The following F7 variants were observed in gnomAD, a reference collection of about 807,000 sequenced individuals.
The protein encoded by F7 is FVII coagulation protein.
In F7, 38 loss-of-function variants were observed where a neutral mutation model predicts 47.5. That is an observed-to-expected ratio of 0.80 (90% CI 0.62 to 1.05). The LOEUF (loss-of-function observed/expected upper bound fraction) is 1.05, where lower values mean the gene tolerates loss of function less well. Ranked by LOEUF, F7 falls within the 50% of genes least tolerant of loss-of-function variation. F7 has a pLI of 0.00. For missense variants in F7, 575 were observed against 605.4 expected (o/e 0.95, Z 0.53); for synonymous variants, 244 against 258.5 (o/e 0.94, Z 0.54).
chr13:113,119,004 C>T lies in F7; in HGVS notation c.1331C>T (p.Pro444Leu). 6.3e-7 allele frequency: 1 copy of T among 1,599,064 alleles called. No homozygotes were observed. Among genetic ancestry groups the T allele is most frequent in the Non-Finnish European group, 8.5e-7 (1 of 1,179,850 alleles). ...RPGVLLRAPF[P>L] ...GGAGTCCTCCTGCGAGCCCCATTTCCCTAGCCCAGCAGCCCTGGCCTGTGG... is the reference window on the plus strand; with the variant it reads ...GGAGTCCTCCTGCGAGCCCCATTTCTCTAGCCCAGCAGCCCTGGCCTGTGG... Residue 444 changes from proline to leucine, a missense_variant, in exon 8 of 8, where the codon CCC (proline) becomes CTC (leucine). By Grantham distance (98) the Pro-to-Leu change is moderately conservative. Coordinates refer to ENST00000346342, the MANE Select transcript of F7 (RefSeq NM_019616.4).
intron 4 of F7, among the ~76,000 whole-genome samples, 170 bp downstream of exon 4, chr13:113,114,130 T>G (rs2036152540): frequency 6.6e-6 from 1 of 152,128 alleles, no homozygotes; most frequent in Non-Finnish European, 1.5e-5. Flanking sequence ...TCCCTTCCAG[T>G]CTGAGGTCTT....
In F7 at chr13:113,113,305, C is replaced by G. The variant is rs1412083705; in HGVS notation, c.226-447C>G. ...CATCTGTTGTATTCTCACAGCACCC[C>G]GTGAGTTTAAGTTCAGGTGGCCAAC... On this transcript the variant is annotated intron_variant, in intron 2 of 7. Coordinates refer to ENST00000346342, the MANE Select transcript of F7 (RefSeq NM_019616.4). This position sits in a 1 kb window ranked among gnomAD's most constrained non-coding sequence, Gnocchi z 4.1. Among the ~76,000 whole-genome samples the G allele has an allele frequency of 6.6e-6, 1 of 152,240 alleles. No individual in the cohort carries two copies. The highest frequency in any genetic ancestry group is 1.5e-5 in the Non-Finnish European group (1 of 68,048).
chr13:113,113,893 C>A lies in F7; in HGVS notation c.297C>A (p.Cys99Ter), dbSNP rs121964933. 1.2e-6 allele frequency: 2 copies of A among 1,614,062 alleles called. No homozygotes were observed. Among genetic ancestry groups the A allele is most frequent in the East Asian group, 2.2e-5 (1 of 44,902 alleles). Residue 99 changes from cysteine to a stop codon, truncating the protein, a stop_gained, in exon 4 of 8, where the codon TGC becomes TGA. Transcript: ENST00000346342. LOFTEE classifies it high-confidence loss of function. This position sits in a 1 kb window ranked among gnomAD's most constrained non-coding sequence, Gnocchi z 4.1. Reference protein sequence around the residue: ...ASSPCQNGGSCKDQLQSYICF... With the variant: ...ASSPCQNGGS ...GTCCATGCCAGAATGGGGGCTCCTG[C>A]AAGGACCAGCTCCAGTCCTATATCT... is the stretch of plus-strand genomic sequence containing the variant.
At chr13:113,106,953 G>T in intron 1 of F7, 1 of 1,564,198 alleles carries the variant, frequency 6.4e-7, no homozygotes, top group Non-Finnish European at 8.7e-7. Context: ...GGCCCAGTGG[G>T]GGCCAACATC....
intron 1 of F7, among the ~76,000 whole-genome samples, chr13:113,108,749 T>C (rs552688320): frequency 0.049 from 1,896 of 38,748 alleles, 4 homozygotes; most frequent in East Asian, 0.13. Flanking sequence ...GTGTGGGTGT[T>C]CCAGAGGCGA....
At chr13:113,114,330 T>G (rs1323060893) in intron 4 of F7, among the ~76,000 whole-genome samples, 5 of 145,360 alleles carry the variant, frequency 3.4e-5, no homozygotes, top group African/African-American at 7.4e-5. Flanking sequence ...TTTGAGGGGT[T>G]TGTTTTTTTT....
intron 1 of F7, among the ~76,000 whole-genome samples, chr13:113,109,886 C>G (rs893987610): frequency 1.3e-5 from 2 of 152,244 alleles, no homozygotes; most frequent in East Asian, 1.9e-4. Context: ...GCGGCCTGCT[C>G]GGAGCTGAGC....
In F7 at chr13:113,115,729, G is replaced by A. The variant is rs750240162; in HGVS notation, c.434G>A (p.Gly145Asp). The change falls in exon 5 of 8, where the codon GGC becomes GAC. Residue 145 changes from glycine (G) to aspartate (D), a missense_variant. By Grantham distance (94) the Gly-to-Asp change is moderately conservative. Transcript: ENST00000346342. ...GCEQYCSDHT[G>D]TKRSCRCHEG... ...GAGCAGTACTGCAGTGACCACACGG[G>A]CACCAAGCGCTCCTGTCGGTGCCAC... 3.7e-5 allele frequency: 60 copies of A among 1,613,000 alleles called. No homozygotes were observed. Among genetic ancestry groups the A allele is most frequent in the Non-Finnish European group, 5.0e-5 (59 of 1,180,034 alleles).
chr13:113,110,177 C>T (rs1224814251), intron 1 of F7, among the ~76,000 whole-genome samples: 2 of 152,066 alleles, frequency 1.3e-5, no homozygotes, highest in African/African-American at 4.8e-5. Flanking sequence ...GGCTCGCTGT[C>T]GGGGGAGCCG....
Position 113,114,000 on chromosome 13 carries a change from T to C in F7, c.364+40T>C, listed in dbSNP as rs1890135834. 2.5e-6 allele frequency: 4 copies of C among 1,609,500 alleles called. No individual in the cohort carries two copies. The African/African-American group carries it at 5.3e-5, about 22-fold the overall frequency. ...TGGGTCCCATATTTGCAGAGGGCCC[T>C]GGGGAGCTGGTGGAGGTGGCCTGGC... On this transcript the variant is annotated intron_variant, in intron 4 of 7. Coordinates refer to ENST00000346342, the MANE Select transcript of F7 (RefSeq NM_019616.4). This position sits in a 1 kb window ranked among gnomAD's most constrained non-coding sequence, Gnocchi z 4.1.
rs757743255 is a variant in F7 at position 113,118,412 on chromosome 13, GGCGAGCACGACCTCA to G, written c.751_765del (p.Leu251_Asp255del). 19 of 1,590,548 alleles carry G rather than the reference GGCGAGCACGACCTCA, an allele frequency of 1.2e-5. No individual in the cohort carries two copies. Among genetic ancestry groups the G allele is most frequent in the Non-Finnish European group, 1.6e-5 (19 of 1,168,872 alleles). ...GCCTGAGGGGGGCTTCTTCCTTCCA[GGCGAGCACGACCTCA>G]GCGAGCACGACGGGGATGAGCAGAG... On this transcript the variant is annotated inframe_deletion and splice_region_variant, in exon 8 of 8. Transcript: ENST00000346342.
At position 113,118,510 on chromosome 13, in the gene F7, C is replaced by T. The variant is rs748493381; in HGVS notation, c.837C>T (p.His279=). The part of the protein sequence containing the change: ...PSTYVPGTTN[H]DIALLRLHQP... The stretch of plus-strand genomic sequence containing the variant: ...CGTACGTCCCGGGCACCACCAACCA[C>T]GACATCGCGCTGCTCCGCCTGCACC... Residue 279 remains histidine, a synonymous_variant, in exon 8 of 8, where the codon CAC becomes CAT. Coordinates refer to ENST00000346342, the MANE Select transcript of F7 (RefSeq NM_019616.4). 4.3e-6 allele frequency: 7 copies of T among 1,611,306 alleles called. No homozygotes were observed. In the East Asian group the frequency reaches 8.9e-5, roughly 21 times the overall value.
At chr13:113,114,031 G>A (rs374284264) in intron 4 of F7, 71 bp downstream of exon 4, 14 of 1,539,566 alleles carry the variant, frequency 9.1e-6, no homozygotes, top group South Asian at 6.8e-5. Context: ...CTGGCCAACC[G>A]GGCTGCAGGG....
chr13:113,112,656 C>T (rs562709889), intron 2 of F7, among the ~76,000 whole-genome samples: 109 of 148,666 alleles, frequency 7.3e-4, no homozygotes, highest in African/African-American at 2.6e-3. Context: ...CTCACACCCA[C>T]AGGACACCTC....
chr13:113,117,352 C>T (rs554228552), intron 6 of F7, 121 bp from the exon 7 acceptor site: 1 of 1,509,016 alleles, frequency 6.6e-7, no homozygotes, highest in Non-Finnish European at 9.0e-7. Context: ...TCTGCAAAGA[C>T]CCCAGGATTT....
chr13:113,115,211 C>G (rs2036172847), intron 4 of F7, among the ~76,000 whole-genome samples: 1 of 152,258 alleles, frequency 6.6e-6, no homozygotes, highest in Non-Finnish European at 1.5e-5. Context: ...TAACTGTCCC[C>G]AGGCGGGCTC....
rs1196084162 is a variant in F7, at chr13:113,112,126, G to A, written c.225+1276G>A. On this transcript the variant is annotated intron_variant, in intron 2 of 7. Coordinates refer to ENST00000346342, the MANE Select transcript of F7 (RefSeq NM_019616.4). ...ACCTCACAGAGGTCACCTCACACGG[G>A]GCACACTTCACACTCACAGGTCACC... 4.3e-5 allele frequency among the ~76,000 whole-genome samples: 5 copies of A among 117,456 alleles called. 1 individual carries two copies. The highest frequency in any genetic ancestry group is 6.9e-5 in the Non-Finnish European group (4 of 57,592). The allele number at this position is 117,456 out of a possible 152,430, so 77.1% of individuals were successfully genotyped here.
At chr13:113,106,950 T>TG in intron 1 of F7, 1 of 1,569,172 alleles carries the variant, frequency 6.4e-7, no homozygotes, top group Non-Finnish European at 8.7e-7. Context: ...TGGGGCCCAG[T>TG]GGGGGCCAAC....
At chr13:113,117,647 T>TC in intron 7 of F7, 51 bp downstream of exon 7, 2 of 1,345,094 alleles carry the variant, frequency 1.5e-6, no homozygotes, top group South Asian at 1.4e-5. Flanking sequence ...GGTGCCACTC[T>TC]TCCCTGTCCG....
Sources: gnomAD v4.1 joint callset for allele counts (sites outside exome capture counted in the v4.1 genomes callset) on GRCh38, gnomAD v4.1.1 for gene constraint, Gnocchi (gnomAD v3.1) non-coding constraint, MANE v1.5 for transcripts, NCBI Gene and HGNC (gene_info 2026-07-23, HGNC 2026-07-21) for gene names.